Variants in CRTC2 observed in about 807,000 individuals in gnomAD.
The protein encoded by CRTC2 is CREB-regulated transcription coactivator 2.
A neutral mutation model predicts 70.9 loss-of-function variants in CRTC2; 25 were observed. The ratio of observed to expected loss-of-function variants is 0.35; its 90% CI spans 0.26 to 0.49. The LOEUF is 0.49. Among genes scored for constraint, CRTC2 ranks in the 20% least tolerant of loss-of-function variants. The pLI, the probability that CRTC2 is intolerant of heterozygous loss-of-function variation, is 0.98. For synonymous variants in CRTC2, 330 were observed against 364.1 expected (o/e 0.91, Z 1.07); for missense variants, 737 against 882.6 (o/e 0.83, Z 2.09).
chr1:153,957,374 A>C (rs142171181), intron 1 of CRTC2, among the ~76,000 whole-genome samples: 5 of 152,300 alleles, frequency 3.3e-5, no homozygotes, highest in African/African-American at 1.2e-4. Context: ...CTCTGCCATG[A>C]GGAATCATTG....
At chr1:153,953,907 G>C (rs1250922485) in intron 4 of CRTC2, among the ~76,000 whole-genome samples, 2 of 152,116 alleles carry the variant, frequency 1.3e-5, no homozygotes, top group African/African-American at 4.8e-5. Context: ...AAATCTAAAA[G>C]TGCCAGAACA....
Position 153,958,166 on chromosome 1 carries a change from C to T in CRTC2, c.153+179G>A, listed in dbSNP as rs944408098. 1.1e-5 allele frequency: 16 copies of T among 1,421,626 alleles called. No individual in the cohort carries two copies. The African/African-American group carries it at 1.5e-4, about 13-fold the overall frequency. 88.1% of individuals were successfully genotyped at this position (1,421,626 alleles called of 1,614,324 possible). A position where few individuals can be genotyped will look rare whatever the true frequency, so the allele number is the denominator to read the frequency against. ...CGAACCTCTCCGGTGTTTCGGTCTC[C>T]CCCGGCAAAATCCTTCTTCCTGCCC... is the stretch of plus-strand genomic sequence containing the variant. On this transcript the variant is annotated intron_variant, in intron 1 of 13. Transcript: ENST00000368633.
Position 153,953,532 on chromosome 1 carries a change from C to T in CRTC2, c.503+6G>A. On this transcript the variant is annotated splice_donor_region_variant and intron_variant, in intron 5 of 13. Coordinates refer to ENST00000368633, the MANE Select transcript of CRTC2 (RefSeq NM_181715.3). The stretch of plus-strand genomic sequence containing the variant: ...GATCTGGCCTAAAGAAGGCAAAAGC[C>T]ATCACCTGTTAAGTGCAGATGGTAG... The T allele has an allele frequency of 1.2e-6, 2 of 1,609,826 alleles. No individual in the cohort carries two copies. Among genetic ancestry groups the T allele is most frequent in the Non-Finnish European group, 1.7e-6 (2 of 1,178,416 alleles).
rs1321855460 is a variant in CRTC2, at chr1:153,952,459, G to A, written c.703-13C>T. The A allele has an allele frequency of 6.2e-7, 1 of 1,614,126 alleles. No individual in the cohort carries two copies. Among genetic ancestry groups the A allele is most frequent in the South Asian group, 1.1e-5 (1 of 91,080 alleles). ...AGGATGAGGATAGCTGAGGAGAGAA[G>A]GGAGAATATGGAAAATGAGGACAGT... On this transcript the variant is annotated splice_polypyrimidine_tract_variant and intron_variant, in intron 8 of 13. Coordinates refer to ENST00000368633, the MANE Select transcript of CRTC2 (RefSeq NM_181715.3).
At chr1:153,950,911 T>C (rs1390702224) in intron 11 of CRTC2, among the ~76,000 whole-genome samples, 1 of 152,192 alleles carries the variant, frequency 6.6e-6, no homozygotes, top group East Asian at 1.9e-4. Context: ...CTGGGCTATG[T>C]GTGGTGCTAA....
At chr1:153,955,695 TTAAAAAAAAAA>T (rs1187012626) in intron 1 of CRTC2, among the ~76,000 whole-genome samples, 1 of 124,938 alleles carries the variant, frequency 8.0e-6, no homozygotes, top group Non-Finnish European at 1.8e-5. Context: ...AAAAAAAAAG[TTAAAAAAAAAA>T]TAAAGAAATT....
chr1:153,949,543 A>C (rs544764856), intron 11 of CRTC2, among the ~76,000 whole-genome samples, 159 bp from the exon 12 acceptor site: 1 of 151,938 alleles, frequency 6.6e-6, no homozygotes, highest in East Asian at 1.9e-4. Context: ...GCAGTTACTC[A>C]ACCCCAGGGA....
chr1:153,954,968 C>G lies in CRTC2; in HGVS notation c.277G>C (p.Asp93His). 2 of 1,614,010 alleles carry G rather than the reference C, an allele frequency of 1.2e-6. No individual in the cohort carries two copies. The highest frequency in any genetic ancestry group is 1.7e-6 in the Non-Finnish European group (2 of 1,179,874). ...TGGTGCCGAGTGCTCCGAGATGAAT[C>G]CAAAGGTGAGTGGAGGGGGCTCTGC... Reference protein sequence around the residue: ...EFQSPLHSPLDSSRSTRHHGL... With the variant: ...EFQSPLHSPLHSSRSTRHHGL... Residue 93 changes from aspartate (D) to histidine (H), a missense_variant, in exon 3 of 14, where the codon GAT becomes CAT. Around this residue, in one of 3 missense-constraint regions of CRTC2, gnomAD observed 699 missense variants for 823.7 expected, o/e 0.85. Transcript: ENST00000368633.
intron 1 of CRTC2, 149 bp from the exon 2 acceptor site, chr1:153,955,315 C>T: frequency 1.5e-6 from 1 of 649,950 alleles, no homozygotes; most frequent in Non-Finnish European, 2.7e-6. Context: ...CACCTGTAAT[C>T]CCAGCACTTT....
Position 153,958,535 on chromosome 1 carries a change from C to T in CRTC2, c.-38G>A, listed in dbSNP as rs1317554874. On this transcript the variant is annotated 5_prime_UTR_variant, in exon 1 of 14. Transcript: ENST00000368633. ...TCCCTCCCTGCCACCCTCCCAGTAC[C>T]AGCCGCGGCCTCCGCCGCGGCCTCG... is the stretch of plus-strand genomic sequence containing the variant. 1.3e-6 allele frequency: 2 copies of T among 1,550,996 alleles called. No homozygotes were observed. The highest frequency in any genetic ancestry group is 1.7e-6 in the Non-Finnish European group (2 of 1,148,774).
At chr1:153,955,297 G>A in intron 1 of CRTC2, 131 bp from the exon 2 acceptor site, 1 of 704,016 alleles carries the variant, frequency 1.4e-6, no homozygotes, top group East Asian at 2.8e-5. Flanking sequence ...GCCAGGCACA[G>A]TAGCTCACAC....
In CRTC2 at chr1:153,948,054, G is replaced by T; in HGVS notation, c.*55C>A. 6.5e-7 allele frequency: 1 copy of T among 1,541,078 alleles called. No individual in the cohort carries two copies. The highest frequency in any genetic ancestry group is 9.0e-7 in the Non-Finnish European group (1 of 1,117,158). On this transcript the variant is annotated 3_prime_UTR_variant, in exon 14 of 14. Coordinates refer to ENST00000368633, the MANE Select transcript of CRTC2 (RefSeq NM_181715.3). The stretch of plus-strand genomic sequence containing the variant: ...TCTCTACCTGCCAGGGGGAAGGGAG[G>T]AAAGGAATGGTGGTGGGGGATGGGG...
intron 11 of CRTC2, 147 bp downstream of exon 11, chr1:153,951,113 G>T: frequency 1.1e-6 from 1 of 905,676 alleles, no homozygotes. Flanking sequence ...GAGACAAGAT[G>T]GATAAAAGAT....
At chr1:153,954,186 G>A in intron 4 of CRTC2, 69 bp downstream of exon 4, 1 of 1,234,388 alleles carries the variant, frequency 8.1e-7, no homozygotes. Context: ...CCCCAACCCA[G>A]AAGGGGCAAC....
chr1:153,948,927 A>G (rs1680170567), intron 12 of CRTC2, 188 bp downstream of exon 12: 3 of 754,146 alleles, frequency 4.0e-6, no homozygotes, highest in South Asian at 1.5e-5. Flanking sequence ...GGGCAGGAGT[A>G]GGGTCAAACG....
chr1:153,953,233 G>A, intron 6 of CRTC2, 33 bp downstream of exon 6: 1 of 1,100,046 alleles, frequency 9.1e-7, no homozygotes, highest in Non-Finnish European at 1.3e-6. Flanking sequence ...ATAGCTCCAT[G>A]GTTACTCCCA....
Position 153,952,639 on chromosome 1 carries a change from G to A in CRTC2, c.638-4C>T, listed in dbSNP as rs755391766. 2 of 1,614,052 alleles carry A rather than the reference G, an allele frequency of 1.2e-6. No homozygotes were observed. Among genetic ancestry groups the A allele is most frequent in the Admixed American group, 3.3e-5 (2 of 60,012 alleles). On this transcript the variant is annotated splice_polypyrimidine_tract_variant and splice_region_variant and intron_variant, in intron 7 of 13. Coordinates refer to ENST00000368633, the MANE Select transcript of CRTC2 (RefSeq NM_181715.3). The stretch of plus-strand genomic sequence containing the variant: ...AAGTTCTCCTCAATAGCAGGTACTT[G>A]AAAGAGAAAGACTGGTGATGGGAGA...
chr1:153,952,777 A>G, intron 7 of CRTC2, 28 bp downstream of exon 7: 1 of 1,614,138 alleles, frequency 6.2e-7, no homozygotes, highest in Non-Finnish European at 8.5e-7. Flanking sequence ...TTTGGCATTC[A>G]GTACCCACAG....
chr1:153,949,449 G>A, intron 11 of CRTC2, 65 bp from the exon 12 acceptor site: 1 of 1,478,800 alleles, frequency 6.8e-7, no homozygotes, highest in Non-Finnish European at 9.1e-7. Flanking sequence ...CTCAGTCAGA[G>A]CTTCCCACCT....
Sources: allele counts gnomAD v4.1 joint callset (sites outside exome capture counted in the v4.1 genomes callset), GRCh38; gene constraint gnomAD v4.1.1; regional missense constraint gnomAD v4.1.1; transcripts MANE v1.5; gene names NCBI Gene and HGNC (gene_info 2026-07-23, HGNC 2026-07-21).